The following CFAP299 variants were observed in gnomAD, a reference collection of about 807,000 sequenced individuals.
CFAP299 encodes the protein cilia and flagella associated protein 299.
Under a neutral mutation model 27.0 loss-of-function variants are expected in CFAP299, and 21 were observed. The observed-to-expected ratio is 0.78, with a 90% confidence interval of 0.55 to 1.12. CFAP299 has a LOEUF of 1.12. Ranked by LOEUF, CFAP299 falls within the 50% of genes most tolerant of loss-of-function variation. The pLI, the probability that CFAP299 is intolerant of heterozygous loss-of-function variation, is 0.00. For missense variants in CFAP299, 310 were observed against 276.6 expected, an observed-to-expected ratio of 1.12 and a Z score of -0.86; for synonymous variants, 104 against 98.1, an observed-to-expected ratio of 1.06 and a Z score of -0.36.
At chr4:80,777,419 G>T (rs1412254827) in intron 3 of CFAP299, among the ~76,000 whole-genome samples, 1 of 151,906 alleles carries the variant, frequency 6.6e-6, no homozygotes, top group Non-Finnish European at 1.5e-5. Flanking sequence ...GCTTGCTTTT[G>T]ACTTTTCATT....
intron 3 of CFAP299, among the ~76,000 whole-genome samples, chr4:80,699,936 T>G (rs1291933208): frequency 2.6e-5 from 4 of 152,158 alleles, no homozygotes; most frequent in African/African-American, 9.7e-5. Context: ...AGATACCTCC[T>G]TTTGGAAGGG....
At chr4:80,958,493 T>G (rs1490824127) in intron 5 of CFAP299, among the ~76,000 whole-genome samples, 2 of 152,162 alleles carry the variant, frequency 1.3e-5, no homozygotes, top group East Asian at 1.9e-4. Context: ...TAAGATCACA[T>G]GTCATTTTCA....
intron 1 of CFAP299, among the ~76,000 whole-genome samples, chr4:80,349,467 G>A (rs1328314654): frequency 6.6e-6 from 1 of 152,118 alleles, no homozygotes; most frequent in Admixed American, 6.5e-5. Context: ...TTTCTCAAAT[G>A]TTACAGGACA....
chr4:80,755,578 T>C (rs1419676854), intron 3 of CFAP299, among the ~76,000 whole-genome samples: 5 of 152,118 alleles, frequency 3.3e-5, no homozygotes, highest in African/African-American at 1.2e-4. Flanking sequence ...AAGTGACCGT[T>C]GAACTTGAGG....
At chr4:80,863,086 G>C (rs187377224) in intron 3 of CFAP299, among the ~76,000 whole-genome samples, 512 of 152,160 alleles carry the variant, frequency 3.4e-3, no homozygotes, top group Non-Finnish European at 5.5e-3. Flanking sequence ...CTCTATCAGA[G>C]AGCACACTGA....
At chr4:80,916,252 AATATATAT>A (rs10696316) in intron 4 of CFAP299, among the ~76,000 whole-genome samples, 1,492 of 60,882 alleles carry the variant, frequency 0.025, 45 homozygotes, top group Middle Eastern at 0.057. Context: ...ACTAGACTGA[AATATATAT>A]ATATATATAT....
At chr4:80,859,636 C>A (rs1732181648) in intron 3 of CFAP299, among the ~76,000 whole-genome samples, 1 of 151,990 alleles carries the variant, frequency 6.6e-6, no homozygotes, top group Non-Finnish European at 1.5e-5. Flanking sequence ...ATTTGCTTGT[C>A]TATAAAATAT....
intron 5 of CFAP299, among the ~76,000 whole-genome samples, chr4:80,952,806 A>G (rs1737852780): frequency 6.6e-6 from 1 of 151,850 alleles, no homozygotes; most frequent in South Asian, 2.1e-4. Context: ...AGCACTTGCT[A>G]CTATTAGTAG....
At chr4:80,359,451 C>G (rs1280314182) in intron 1 of CFAP299, among the ~76,000 whole-genome samples, 1 of 152,158 alleles carries the variant, frequency 6.6e-6, no homozygotes. Flanking sequence ...CTTTCAGGGA[C>G]ACCAATGAGT....
chr4:80,875,632 C>A (rs891480476), intron 4 of CFAP299, among the ~76,000 whole-genome samples: 1 of 150,636 alleles, frequency 6.6e-6, no homozygotes, highest in Non-Finnish European at 1.5e-5. Flanking sequence ...CCATTGCACT[C>A]CAGCCTGGGC....
At chr4:80,764,487 T>C (rs1329521178) in intron 3 of CFAP299, among the ~76,000 whole-genome samples, 1 of 152,108 alleles carries the variant, frequency 6.6e-6, no homozygotes, top group Non-Finnish European at 1.5e-5. Context: ...CGCGTTTACA[T>C]AGTTGGTGGG....
intron 2 of CFAP299, among the ~76,000 whole-genome samples, chr4:80,421,708 G>C (rs1178096852): frequency 6.6e-6 from 1 of 152,142 alleles, no homozygotes; most frequent in Non-Finnish European, 1.5e-5. Flanking sequence ...AGGAGGTCTT[G>C]GAACTCCATG....
intron 3 of CFAP299, among the ~76,000 whole-genome samples, chr4:80,592,800 G>A (rs981167964): frequency 2.0e-5 from 3 of 152,060 alleles, no homozygotes; most frequent in Non-Finnish European, 4.4e-5. Flanking sequence ...AGAAAATTAC[G>A]TTGCATAATA....
At chr4:80,331,238 G>A (rs896461650), upstream of CFAP299, among the ~76,000 whole-genome samples, 1 of 152,192 alleles carries the variant, frequency 6.6e-6, no homozygotes, top group Non-Finnish European at 1.5e-5. Context: ...GCTGGAACAT[G>A]TAACGTGTGC....
Position 80,799,685 on chromosome 4 carries a change from A to T in CFAP299, c.334-70308A>T, listed in dbSNP as rs1369570689. Among the ~76,000 whole-genome samples, 21 of 46,670 alleles carry T rather than the reference A, an allele frequency of 4.5e-4. 1 individual carries two copies. In the East Asian group the frequency reaches 8.7e-3, roughly 19 times the overall value. The allele number at this position is 46,670 out of a possible 152,430, so 30.6% of individuals were successfully genotyped here. ...ATATTTTATAAATATATATTTATAA[A>T]TATATAATATATAAAATATATATTT... On this transcript the variant is annotated intron_variant, in intron 3 of 5. Coordinates refer to ENST00000358105, the MANE Select transcript of CFAP299 (RefSeq NM_152770.3).
intron 2 of CFAP299, among the ~76,000 whole-genome samples, chr4:80,464,898 T>G (rs1729630072): frequency 6.6e-6 from 1 of 152,176 alleles, no homozygotes; most frequent in South Asian, 2.1e-4. Flanking sequence ...TATTTAATAT[T>G]CTACTCTGAC....
At chr4:80,537,614 A>G (rs941111199) in intron 2 of CFAP299, among the ~76,000 whole-genome samples, 1 of 152,140 alleles carries the variant, frequency 6.6e-6, no homozygotes, top group Admixed American at 6.5e-5. Flanking sequence ...GATCTCAGTC[A>G]TATGTGGAAT....
intron 3 of CFAP299, among the ~76,000 whole-genome samples, chr4:80,867,846 A>T (rs944518297): frequency 6.6e-6 from 1 of 152,234 alleles, no homozygotes. Flanking sequence ...GGAGGACACA[A>T]TTGAACCCAT....
chr4:80,619,582 A>G (rs909321328), intron 3 of CFAP299, among the ~76,000 whole-genome samples: 5 of 152,090 alleles, frequency 3.3e-5, no homozygotes, highest in Non-Finnish European at 7.4e-5. Context: ...ATATAGTTAA[A>G]TATTCTTTAG....
Sources: gnomAD v4.1 joint callset for allele counts (sites outside exome capture counted in the v4.1 genomes callset) on GRCh38, gnomAD v4.1.1 for gene constraint, MANE v1.5 for transcripts, NCBI Gene and HGNC (gene_info 2026-07-23, HGNC 2026-07-21) for gene names.